TSPAN15: variants seen among roughly 807,000 people sequenced by gnomAD.
TSPAN15 encodes the protein tetraspanin-15.
TSPAN15 carries 20 observed loss-of-function variants against 34.5 expected under a neutral mutation model. The observed-to-expected ratio is 0.58, with a 90% CI of 0.41 to 0.84. The LOEUF is 0.84. TSPAN15 is among the 40% of genes least tolerant of loss of function. The probability of loss-of-function intolerance (pLI) is 0.00; values close to 1 mark genes in which losing one functional copy is unlikely to be tolerated. For missense variants in TSPAN15, 313 were observed against 386.1 expected (o/e 0.81, Z 1.59); for synonymous variants, 155 against 153.9 (o/e 1.01, Z -0.05).
At chr10:69,473,551 G>A (rs1223661426) in intron 1 of TSPAN15, among the ~76,000 whole-genome samples, 1 of 152,200 alleles carries the variant, frequency 6.6e-6, no homozygotes, top group Non-Finnish European at 1.5e-5. Flanking sequence ...ACAGTCTGCT[G>A]ATGTGCCAGG....
intron 1 of TSPAN15, among the ~76,000 whole-genome samples, chr10:69,478,744 C>T (rs946905283): frequency 1.3e-5 from 2 of 152,204 alleles, no homozygotes; most frequent in Non-Finnish European, 2.9e-5. Flanking sequence ...CAATTATTAA[C>T]ATTTTATACA....
chr10:69,471,551 T>TTCTCTCTCTC (rs111306890), intron 1 of TSPAN15, among the ~76,000 whole-genome samples: 6 of 151,192 alleles, frequency 4.0e-5, no homozygotes, highest in African/African-American at 1.5e-4. Context: ...CTTTCTTTCT[T>TTCTCTCTCTC]TCTCTCTCAC....
At chr10:69,488,626 G>A (rs961028979) in intron 3 of TSPAN15, among the ~76,000 whole-genome samples, 6 of 152,312 alleles carry the variant, frequency 3.9e-5, no homozygotes, top group Admixed American at 3.3e-4. Flanking sequence ...CAGCTGGGCC[G>A]CTGGGGGTGA....
chr10:69,477,247 G>A (rs1205116217), intron 1 of TSPAN15, among the ~76,000 whole-genome samples: 1 of 152,066 alleles, frequency 6.6e-6, no homozygotes, highest in Admixed American at 6.5e-5. Flanking sequence ...TGATTCTCCT[G>A]CCTCAGCCTC....
chr10:69,477,980 A>G (rs1195549685), intron 1 of TSPAN15, among the ~76,000 whole-genome samples: 1 of 152,216 alleles, frequency 6.6e-6, no homozygotes, highest in Non-Finnish European at 1.5e-5. Flanking sequence ...AACAGGCTTT[A>G]CTGTTTTACA....
the TSPAN15 span, among the ~76,000 whole-genome samples, chr10:69,514,547 A>G: frequency 2.0e-5 from 3 of 152,142 alleles, no homozygotes; most frequent in Admixed American, 1.3e-4. Flanking sequence ...AAGACTACTT[A>G]TTTCTTCTTG....
chr10:69,494,726 G>A (rs1842041382), intron 3 of TSPAN15: 3 of 985,304 alleles, frequency 3.0e-6, no homozygotes, highest in East Asian at 1.1e-4. Flanking sequence ...GGAATTGTCT[G>A]GCTCTTCAGT....
chr10:69,499,281 A>G (rs1248879655), intron 5 of TSPAN15, among the ~76,000 whole-genome samples: 3 of 152,110 alleles, frequency 2.0e-5, no homozygotes, highest in Non-Finnish European at 4.4e-5. Flanking sequence ...CTGTAAACTG[A>G]GCAGCTGCGG....
rs558426378 is a variant in TSPAN15 at position 69,490,286 on chromosome 10, G to A, written c.357+5071G>A. Among the ~76,000 whole-genome samples the A allele has an allele frequency of 3.3e-5, 5 of 152,286 alleles. No individual in the cohort carries two copies. The South Asian group carries it at 8.3e-4, about 25-fold the overall frequency. On this transcript the variant is annotated intron_variant, in intron 3 of 7. Coordinates refer to ENST00000373290, the MANE Select transcript of TSPAN15 (RefSeq NM_012339.5). ...AAGTTTTCCCTTGGTGTCCGACGGG[G>A]ATTGGTTCCAGAACATGCCCCTGAC...
chr10:69,476,543 T>TG (rs1439420720), intron 1 of TSPAN15, among the ~76,000 whole-genome samples: 24 of 143,364 alleles, frequency 1.7e-4, no homozygotes, highest in African/African-American at 5.8e-4. Flanking sequence ...GATGACAGAG[T>TG]GAGACCCTGT....
At position 69,480,713 on chromosome 10, in the gene TSPAN15, T is replaced by C. The variant is rs542857415; in HGVS notation, c.97-2978T>C. Among the ~76,000 whole-genome samples, 4 of 152,278 alleles carry C rather than the reference T, an allele frequency of 2.6e-5. No individual in the cohort carries two copies. In the South Asian group the frequency reaches 8.3e-4, roughly 32 times the overall value. On this transcript the variant is annotated intron_variant, in intron 1 of 7. Transcript: ENST00000373290. ...TTTTTCTTTTCTTTTCTTCTTCTTTTTTGAGACAGAGTCTTGCTCTGTCAC... is the reference window on the plus strand; with the variant it reads ...TTTTTCTTTTCTTTTCTTCTTCTTTCTTGAGACAGAGTCTTGCTCTGTCAC...
chr10:69,456,127 A>G (rs978120334), intron 1 of TSPAN15, among the ~76,000 whole-genome samples: 7 of 150,378 alleles, frequency 4.7e-5, no homozygotes, highest in African/African-American at 1.7e-4. Flanking sequence ...TCGCTCTTTC[A>G]CCTAGACTGG....
the TSPAN15 span, among the ~76,000 whole-genome samples, chr10:69,529,780 T>G: frequency 5.4e-5 from 8 of 147,568 alleles, 3 homozygotes; most frequent in East Asian, 2.0e-3. Flanking sequence ...CAGATTTTGG[T>G]GCACCCATCA....
intron 2 of TSPAN15, 134 bp downstream of exon 2, chr10:69,484,010 C>T: frequency 1.1e-6 from 1 of 906,200 alleles, no homozygotes; most frequent in Non-Finnish European, 1.6e-6. Flanking sequence ...TTAGATCAGC[C>T]CATCTGACCA....
the TSPAN15 span, among the ~76,000 whole-genome samples, chr10:69,542,649 G>A: frequency 6.6e-6 from 1 of 152,172 alleles, no homozygotes; most frequent in Non-Finnish European, 1.5e-5. Context: ...GGAGAAGAAT[G>A]AGCAAAGGGG....
At chr10:69,526,389 A>G in the TSPAN15 span, among the ~76,000 whole-genome samples, 23 of 148,744 alleles carry the variant, frequency 1.5e-4, 2 homozygotes, top group African/African-American at 5.6e-4. Context: ...ACCTGAAAAG[A>G]TATTTCCCCA....
chr10:69,523,608 C>T, the TSPAN15 span: 10 of 239,544 alleles, frequency 4.2e-5, no homozygotes, highest in Non-Finnish European at 7.3e-5. Flanking sequence ...CAGCTCTGGA[C>T]GAGGCACCCA....
intron 1 of TSPAN15, among the ~76,000 whole-genome samples, chr10:69,472,199 C>T (rs1477124203): frequency 6.6e-6 from 1 of 152,170 alleles, no homozygotes; most frequent in African/African-American, 2.4e-5. Flanking sequence ...CTTCCCTCAT[C>T]CTCTGCCTGT....
In TSPAN15 at chr10:69,451,690, G is replaced by A. The variant is rs1387265476; in HGVS notation, c.96G>A (p.Trp32Ter). 6.6e-7 allele frequency: 1 copy of A among 1,512,048 alleles called. No homozygotes were observed. Among genetic ancestry groups the A allele is most frequent in the Non-Finnish European group, 8.9e-7 (1 of 1,127,348 alleles). 93.7% of individuals were successfully genotyped at this position (1,512,048 alleles called of 1,614,324 possible). The change falls in exon 1 of 8, where the codon TGG becomes TGA. Residue 32 changes from tryptophan to a stop codon, truncating the protein, a stop_gained and splice_region_variant. Coordinates refer to ENST00000373290, the MANE Select transcript of TSPAN15 (RefSeq NM_012339.5). LOFTEE classifies it high-confidence loss of function. Reference protein sequence around the residue: ...FSLIIYSTVFWLIGALVLSVG... With the variant: ...FSLIIYSTVF ...TTATCATCTATTCCACCGTGTTCTG[G>A]GTGAGTGACCCCAGTAGGGCCCGGG...
Sources: allele counts gnomAD v4.1 joint callset (sites outside exome capture counted in the v4.1 genomes callset), GRCh38; gene constraint gnomAD v4.1.1; transcripts MANE v1.5; gene names NCBI Gene and HGNC (gene_info 2026-07-23, HGNC 2026-07-21).